The following USP6NL variants were observed in gnomAD, a reference collection of about 807,000 sequenced individuals.
The protein encoded by USP6NL is USP6 N-terminal like.
A neutral mutation model predicts 61.9 loss-of-function variants in USP6NL; 26 were observed. The ratio of observed to expected loss-of-function variants is 0.42; its 90% confidence interval spans 0.31 to 0.58. The LOEUF (loss-of-function observed/expected upper bound fraction) is 0.58. Ranked by LOEUF, USP6NL falls within the 20% of genes least tolerant of loss-of-function variation. USP6NL has a pLI of 0.16. For missense variants in USP6NL, 1,114 were observed against 1,034.3 expected, an observed-to-expected ratio of 1.08 and a Z score of -1.06; for synonymous variants, 432 against 390.1, an observed-to-expected ratio of 1.11 and a Z score of -1.27.
At chr10:11,590,565 C>T (rs1838130403) in intron 2 of USP6NL, among the ~76,000 whole-genome samples, 1 of 152,080 alleles carries the variant, frequency 6.6e-6, no homozygotes, top group South Asian at 2.1e-4. Context: ...AAAAATCATA[C>T]ACATAATATT....
At chr10:11,480,007 G>A (rs1354800155) in intron 14 of USP6NL, among the ~76,000 whole-genome samples, 1 of 152,198 alleles carries the variant, frequency 6.6e-6, no homozygotes, top group African/African-American at 2.4e-5. Flanking sequence ...AAAGGCAGAT[G>A]GTCGTGCTAG....
intron 14 of USP6NL, among the ~76,000 whole-genome samples, chr10:11,472,045 A>G (rs947152072): frequency 6.6e-6 from 1 of 151,302 alleles, no homozygotes; most frequent in African/African-American, 2.4e-5. Context: ...ACAGTAGGGG[A>G]TGCTTTTGTG....
intron 1 of USP6NL, among the ~76,000 whole-genome samples, chr10:11,608,492 A>T (rs1463268847): frequency 6.6e-6 from 1 of 152,166 alleles, no homozygotes; most frequent in Non-Finnish European, 1.5e-5. Context: ...GACTGTGAAC[A>T]AGCTCTTCTC....
chr10:11,554,602 G>T (rs1283623604), intron 2 of USP6NL, among the ~76,000 whole-genome samples: 1 of 152,100 alleles, frequency 6.6e-6, no homozygotes, highest in Non-Finnish European at 1.5e-5. Flanking sequence ...AATTCAGACA[G>T]CTCAAACATG....
intron 7 of USP6NL, 117 bp from the exon 8 acceptor site, chr10:11,493,345 TA>T (rs899637770): frequency 1.8e-5 from 15 of 821,932 alleles, no homozygotes; most frequent in Non-Finnish European, 2.3e-5. Context: ...ACTCAATGGT[TA>T]AAAAAAATCA....
chr10:11,470,510 T>G lies in USP6NL; in HGVS notation c.1079-6661A>C, dbSNP rs990200368. 4.6e-5 allele frequency among the ~76,000 whole-genome samples: 7 copies of G among 152,172 alleles called. No individual in the cohort carries two copies. The highest frequency in any genetic ancestry group is 1.0e-4 in the Non-Finnish European group (7 of 68,016). The stretch of plus-strand genomic sequence containing the variant: ...TAAGAAGGACGAATGCCATCACCAG[T>G]AACATTTTTATATGCCAATTAGTAT... On this transcript the variant is annotated intron_variant, in intron 14 of 14. Coordinates refer to ENST00000609104, the MANE Select transcript of USP6NL (RefSeq NM_014688.5). This position sits in a 1 kb window ranked among gnomAD's most constrained non-coding sequence, Gnocchi z 5.4.
At chr10:11,479,218 C>T (rs1445605745) in intron 14 of USP6NL, among the ~76,000 whole-genome samples, 1 of 152,102 alleles carries the variant, frequency 6.6e-6, no homozygotes, top group East Asian at 1.9e-4. Context: ...AGCAAGAAGC[C>T]ATAGGGAAAG....
Position 11,562,252 on chromosome 10 carries a change from A to G in USP6NL, c.5-34685T>C. The G allele has an allele frequency of 5.5e-6, 2 of 362,262 alleles. No homozygotes were observed. The highest frequency in any genetic ancestry group is 7.4e-6 in the Non-Finnish European group (2 of 268,758). The allele number at this position is 362,262 out of a possible 1,614,324, so 22.4% of individuals were successfully genotyped here. On this transcript the variant is annotated intron_variant, in intron 2 of 14. Transcript: ENST00000609104. This position sits in a 1 kb window ranked among gnomAD's most constrained non-coding sequence, Gnocchi z 4.8. ...ACGCCAGCCTGGCGGACAGTGCAAG[A>G]CTCCATCTCAAAAAAAAAAAAAAAA... is the stretch of plus-strand genomic sequence containing the variant.
rs1259226946 is a variant in USP6NL, at chr10:11,482,229, TAG to T, written c.926-309_926-308del. On this transcript the variant is annotated intron_variant, in intron 13 of 14. Coordinates refer to ENST00000609104, the MANE Select transcript of USP6NL (RefSeq NM_014688.5). This position sits in a 1 kb window ranked among gnomAD's most constrained non-coding sequence, Gnocchi z 4.0. ...GTATTACCCCAGAGCAAGAGCTTCT[TAG>T]AGACAGACACAGAAAGACTACCTCA... 4.6e-5 allele frequency among the ~76,000 whole-genome samples: 7 copies of T among 152,200 alleles called. No homozygotes were observed. The highest frequency in any genetic ancestry group is 8.8e-5 in the Non-Finnish European group (6 of 68,034).
In USP6NL at chr10:11,482,197, G is replaced by C. The variant is rs567133493; in HGVS notation, c.926-275C>G. Among the ~76,000 whole-genome samples the C allele has an allele frequency of 1.5e-4, 23 of 152,108 alleles. No homozygotes were observed. Among genetic ancestry groups the C allele is most frequent in the Non-Finnish European group, 2.9e-4 (20 of 68,038 alleles). ...TTCCTCATTGGAATAACCACACCTA[G>C]GCATTAGTATTACCCCAGAGCAAGA... is the stretch of plus-strand genomic sequence containing the variant. On this transcript the variant is annotated intron_variant, in intron 13 of 14. Coordinates refer to ENST00000609104, the MANE Select transcript of USP6NL (RefSeq NM_014688.5). The surrounding 1 kb of genome is among the most constrained non-coding windows in gnomAD (Gnocchi z 4.0).
At chr10:11,483,712 T>C (rs55702256) in intron 13 of USP6NL, among the ~76,000 whole-genome samples, 3 of 46,472 alleles carry the variant, frequency 6.5e-5, no homozygotes, top group Non-Finnish European at 1.2e-4. Flanking sequence ...AAGGCAGTGT[T>C]GGGGGGCCGG....
rs1195508602 is a variant in USP6NL at position 11,481,587 on chromosome 10, T to C, written c.1078+183A>G. ...AGGAGAGGCAGATTTAATTAATATG[T>C]TTATTTGCCTTTCCCTAAAATAAGG... On this transcript the variant is annotated intron_variant, in intron 14 of 14. Coordinates refer to ENST00000609104, the MANE Select transcript of USP6NL (RefSeq NM_014688.5). This position sits in a 1 kb window ranked among gnomAD's most constrained non-coding sequence, Gnocchi z 4.4. Among the ~76,000 whole-genome samples the C allele has an allele frequency of 2.0e-5, 3 of 152,202 alleles. No individual in the cohort carries two copies. The highest frequency in any genetic ancestry group is 4.8e-5 in the African/African-American group (2 of 41,446).
rs970971236 is a variant in USP6NL, at chr10:11,474,251, T to C, written c.1078+7519A>G. ...TTATATTTCAGAGAATTTGGCCAAG[T>C]TGGCCTTCTTATGCCAATTTAAAAA... On this transcript the variant is annotated intron_variant, in intron 14 of 14. Coordinates refer to ENST00000609104, the MANE Select transcript of USP6NL (RefSeq NM_014688.5). The surrounding 1 kb of genome is among the most constrained non-coding windows in gnomAD (Gnocchi z 4.9). Among the ~76,000 whole-genome samples, 16 of 152,386 alleles carry C rather than the reference T, an allele frequency of 1.0e-4. No homozygotes were observed. Among genetic ancestry groups the C allele is most frequent in the African/African-American group, 3.8e-4 (16 of 41,592 alleles).
chr10:11,507,684 A>C (rs1566144416), intron 6 of USP6NL, among the ~76,000 whole-genome samples: 1 of 152,192 alleles, frequency 6.6e-6, no homozygotes, highest in African/African-American at 2.4e-5. Flanking sequence ...AATCTTGCTT[A>C]ATTTTTTTTT....
chr10:11,550,359 T>C (rs1407031243), intron 2 of USP6NL, among the ~76,000 whole-genome samples: 2 of 152,244 alleles, frequency 1.3e-5, no homozygotes, highest in African/African-American at 2.4e-5. Context: ...CTGTAAAATA[T>C]GTATTAGACA....
chr10:11,533,863 A>T (rs1200581831), intron 2 of USP6NL, among the ~76,000 whole-genome samples: 2 of 152,168 alleles, frequency 1.3e-5, no homozygotes, highest in African/African-American at 4.8e-5. Context: ...TACTACAGAA[A>T]AACAAAACAG....
Position 11,495,380 on chromosome 10 carries a change from C to G in USP6NL, c.385-2152G>C, listed in dbSNP as rs61847862. Among the ~76,000 whole-genome samples, 1 of 152,112 alleles carries G rather than the reference C, an allele frequency of 6.6e-6. No individual in the cohort carries two copies. Among genetic ancestry groups the G allele is most frequent in the Non-Finnish European group, 1.5e-5 (1 of 68,014 alleles). On this transcript the variant is annotated intron_variant, in intron 7 of 14. Coordinates refer to ENST00000609104, the MANE Select transcript of USP6NL (RefSeq NM_014688.5). This position sits in a 1 kb window ranked among gnomAD's most constrained non-coding sequence, Gnocchi z 4.6. The stretch of plus-strand genomic sequence containing the variant: ...TGTTTTATATTTTATTATACTGGAA[C>G]AGCTCGTGTCCTCGGTCTCTTGCCT...
chr10:11,610,000 C>T (rs1838836973), intron 1 of USP6NL, among the ~76,000 whole-genome samples: 1 of 152,176 alleles, frequency 6.6e-6, no homozygotes, highest in South Asian at 2.1e-4. Flanking sequence ...AAAACTGAGG[C>T]TCAGGGCCCA....
chr10:11,516,405 T>G (rs370598521), intron 5 of USP6NL, among the ~76,000 whole-genome samples: 1 of 152,188 alleles, frequency 6.6e-6, no homozygotes, highest in Admixed American at 6.5e-5. Context: ...AAATGTAAAC[T>G]TTTTTTAATT....
Sources: allele counts gnomAD v4.1 joint callset (sites outside exome capture counted in the v4.1 genomes callset), GRCh38; gene constraint gnomAD v4.1.1; non-coding constraint Gnocchi (gnomAD v3.1); transcripts MANE v1.5; gene names NCBI Gene and HGNC (gene_info 2026-07-23, HGNC 2026-07-21).